The following HDAC9 variants were observed in gnomAD, a reference collection of about 807,000 sequenced individuals.
The protein encoded by HDAC9 is MEF-2 interacting transcription repressor (MITR) protein.
In HDAC9, 41 loss-of-function variants were observed where a neutral mutation model predicts 139.4. The observed-to-expected ratio is 0.29, with a 90% CI of 0.23 to 0.38. The LOEUF is 0.38. HDAC9 is among the 10% of genes least tolerant of loss of function. The pLI is 1.00. For missense variants in HDAC9, 1,147 were observed against 1,297.0 expected (o/e 0.88, Z 1.78); for synonymous variants, 517 against 476.2 (o/e 1.09, Z -1.12).
At chr7:18,176,394 C>A (rs760151589) in intron 2 of HDAC9, among the ~76,000 whole-genome samples, 9 of 152,118 alleles carry the variant, frequency 5.9e-5, no homozygotes, top group Non-Finnish European at 1.2e-4. Context: ...ATTGTAGTTA[C>A]TTGTTTGGTT....
chr7:18,948,297 A>T (rs550093595), intron 23 of HDAC9, among the ~76,000 whole-genome samples: 8 of 152,090 alleles, frequency 5.3e-5, no homozygotes, highest in Admixed American at 2.0e-4. Flanking sequence ...GATGATTTGT[A>T]ATTGAGTATG....
intron 13 of HDAC9, among the ~76,000 whole-genome samples, chr7:18,744,319 G>C (rs556789916): frequency 1.3e-5 from 2 of 152,162 alleles, no homozygotes; most frequent in Admixed American, 1.3e-4. Context: ...AGTTAAATGT[G>C]GTAAAATGAA....
At chr7:18,477,141 A>G (rs527989675) in intron 1 of HDAC9, among the ~76,000 whole-genome samples, 3 of 152,238 alleles carry the variant, frequency 2.0e-5, no homozygotes, top group Admixed American at 6.5e-5. Flanking sequence ...TCTGACTCCA[A>G]AGCTAACACA....
At chr7:18,915,604 G>GA (rs1452182469) in intron 22 of HDAC9, among the ~76,000 whole-genome samples, 1 of 150,058 alleles carries the variant, frequency 6.7e-6, no homozygotes, top group Non-Finnish European at 1.5e-5. Flanking sequence ...TTTGTTTTAT[G>GA]ATTATGTTGC....
At chr7:18,813,800 T>G (rs1396206442) in intron 17 of HDAC9, among the ~76,000 whole-genome samples, 1 of 152,162 alleles carries the variant, frequency 6.6e-6, no homozygotes, top group African/African-American at 2.4e-5. Flanking sequence ...AATAAACACT[T>G]AAAAACTTTG....
chr7:18,500,154 A>G (rs1169926248), intron 2 of HDAC9, among the ~76,000 whole-genome samples: 2 of 152,204 alleles, frequency 1.3e-5, no homozygotes, highest in Non-Finnish European at 2.9e-5. Flanking sequence ...AGGATGACAC[A>G]GGAGGCATAA....
At chr7:18,876,087 C>G (rs1799300040) in intron 22 of HDAC9, among the ~76,000 whole-genome samples, 1 of 152,084 alleles carries the variant, frequency 6.6e-6, no homozygotes. Flanking sequence ...TCCCTTGTGT[C>G]TTCATTTTTG....
chr7:18,990,111 T>C (rs1438708173), intron 25 of HDAC9, among the ~76,000 whole-genome samples: 7 of 152,160 alleles, frequency 4.6e-5, no homozygotes, highest in South Asian at 2.1e-4. Flanking sequence ...CTGAGTTCCT[T>C]TGGAGGAGGA....
chr7:18,229,759 CA>C (rs1285081046), intron 2 of HDAC9, among the ~76,000 whole-genome samples: 1 of 152,090 alleles, frequency 6.6e-6, no homozygotes, highest in Non-Finnish European at 1.5e-5. Flanking sequence ...CACCTTTGAA[CA>C]TTTACTTTTT....
In HDAC9 at chr7:18,876,127, C is replaced by A. The variant is rs1014681128; in HGVS notation, c.2803+1531C>A. On this transcript the variant is annotated intron_variant, in intron 22 of 25. Coordinates refer to ENST00000686413, the MANE Select transcript of HDAC9 (RefSeq NM_178425.4). ...AGTCAAGTTCAAATCTCAAATGTTA[C>A]CTTGAAAATAGTCGCATGGTTTCTT... Among the ~76,000 whole-genome samples the A allele has an allele frequency of 2.1e-4, 32 of 152,144 alleles. 1 individual carries two copies. Among genetic ancestry groups the A allele is most frequent in the Admixed American group, 1.0e-3 (16 of 15,272 alleles).
chr7:18,457,723 G>A (rs77174995), intron 1 of HDAC9, among the ~76,000 whole-genome samples: 2,221 of 152,210 alleles, frequency 0.015, 32 homozygotes, highest in Non-Finnish European at 0.02. Flanking sequence ...TTTAAAAATA[G>A]TTTACATAGA....
At chr7:18,468,075 T>C (rs1184637051) in intron 1 of HDAC9, among the ~76,000 whole-genome samples, 3 of 152,176 alleles carry the variant, frequency 2.0e-5, no homozygotes, top group Admixed American at 2.0e-4. Flanking sequence ...AGGGTACATA[T>C]CAATATGACT....
chr7:18,331,991 A>G (rs1036645589), intron 1 of HDAC9, among the ~76,000 whole-genome samples: 1 of 151,642 alleles, frequency 6.6e-6, no homozygotes, highest in African/African-American at 2.4e-5. Context: ...TTCCAGAGCC[A>G]GGACTGGAAC....
At chr7:18,540,628 T>TTAAA (rs1241949312) in intron 2 of HDAC9, among the ~76,000 whole-genome samples, 5 of 152,168 alleles carry the variant, frequency 3.3e-5, no homozygotes, top group South Asian at 4.1e-4. Flanking sequence ...TGGTACTCTA[T>TTAAA]TAAACAAAAT....
intron 1 of HDAC9, among the ~76,000 whole-genome samples, chr7:18,129,766 A>T (rs995657382): frequency 3.9e-5 from 6 of 152,174 alleles, no homozygotes; most frequent in African/African-American, 1.4e-4. Flanking sequence ...CACAAAACAG[A>T]TGTAAACTCT....
intron 22 of HDAC9, among the ~76,000 whole-genome samples, chr7:18,933,649 A>T (rs199608906): frequency 7.8e-6 from 1 of 127,742 alleles, no homozygotes; most frequent in Admixed American, 8.2e-5. Context: ...AAAAGTTTTT[A>T]AAAAGGGGAT....
At chr7:18,545,309 G>A (rs1300583755) in intron 2 of HDAC9, among the ~76,000 whole-genome samples, 1 of 151,494 alleles carries the variant, frequency 6.6e-6, no homozygotes, top group Non-Finnish European at 1.5e-5. Flanking sequence ...TGTAAAACTT[G>A]GTTTTGGAAG....
chr7:18,277,650 T>G (rs1796829925), intron 2 of HDAC9, among the ~76,000 whole-genome samples: 1 of 152,186 alleles, frequency 6.6e-6, no homozygotes, highest in Non-Finnish European at 1.5e-5. Context: ...TTACTGGAAG[T>G]CATTTTCCTA....
chr7:18,312,968 C>G (rs1302476608), intron 1 of HDAC9, among the ~76,000 whole-genome samples: 1 of 151,988 alleles, frequency 6.6e-6, no homozygotes, highest in Non-Finnish European at 1.5e-5. Flanking sequence ...TCTCCATAGC[C>G]CTTAAAAACT....
Sources: allele counts gnomAD v4.1 joint callset (sites outside exome capture counted in the v4.1 genomes callset), GRCh38; gene constraint gnomAD v4.1.1; transcripts MANE v1.5; gene names NCBI Gene and HGNC (gene_info 2026-07-23, HGNC 2026-07-21).